The following NFATC2 variants were observed in gnomAD, a reference collection of about 807,000 sequenced individuals.
The protein encoded by NFATC2 is nuclear factor of activated T-cells, cytoplasmic 2.
A neutral mutation model predicts 87.3 loss-of-function variants in NFATC2; 22 were observed. The observed-to-expected ratio is 0.25, with a 90% CI of 0.18 to 0.36. The LOEUF (loss-of-function observed/expected upper bound fraction) is 0.36, where lower values mean the gene tolerates loss of function less well. NFATC2 is among the 10% of genes least tolerant of loss of function. NFATC2 has a pLI of 1.00. For missense variants in NFATC2, 1,149 were observed against 1,259.1 expected, an observed-to-expected ratio of 0.91 and a Z score of 1.32; for synonymous variants, 565 against 542.2, an observed-to-expected ratio of 1.04 and a Z score of -0.58.
intron 10 of NFATC2, among the ~76,000 whole-genome samples, chr20:51,397,402 G>A (rs1230385772): frequency 6.6e-6 from 1 of 152,182 alleles, no homozygotes; most frequent in Admixed American, 6.5e-5. Context: ...TCTGAAGAGT[G>A]ATGGTGGAAC....
intron 4 of NFATC2, among the ~76,000 whole-genome samples, chr20:51,474,968 TTTA>T (rs1198793226): frequency 7.1e-6 from 1 of 140,462 alleles, no homozygotes; most frequent in African/African-American, 2.8e-5. Context: ...TTATACTTTA[TTTA>T]TTTTTTTTTT....
At chr20:51,421,549 A>G (rs112217721) in intron 9 of NFATC2, among the ~76,000 whole-genome samples, 4 of 152,312 alleles carry the variant, frequency 2.6e-5, no homozygotes, top group Middle Eastern at 3.4e-3. Flanking sequence ...CGGAAGACAA[A>G]AGGGAATGGC....
At chr20:51,481,175 G>A (rs1274155704) in intron 3 of NFATC2, among the ~76,000 whole-genome samples, 1 of 152,200 alleles carries the variant, frequency 6.6e-6, no homozygotes, top group Non-Finnish European at 1.5e-5. Context: ...GGTCCCTGGA[G>A]GTTTGATGAG....
chr20:51,419,108 G>A (rs896091095), intron 9 of NFATC2, among the ~76,000 whole-genome samples: 7 of 151,998 alleles, frequency 4.6e-5, no homozygotes, highest in African/African-American at 1.7e-4. Context: ...CACACAGTAG[G>A]GATTCAATAA....
intron 1 of NFATC2, among the ~76,000 whole-genome samples, chr20:51,531,812 T>A (rs1171006458): frequency 6.6e-6 from 1 of 152,194 alleles, no homozygotes; most frequent in Non-Finnish European, 1.5e-5. Context: ...CCTGCTATAG[T>A]TAGTCTATTT....
At chr20:51,443,002 T>C (rs542641411) in intron 6 of NFATC2, among the ~76,000 whole-genome samples, 28 of 152,232 alleles carry the variant, frequency 1.8e-4, no homozygotes, top group East Asian at 5.8e-4. Flanking sequence ...TCTACCCAGC[T>C]TTCCTCCCCT....
At chr20:51,464,040 A>T (rs1260565904) in intron 5 of NFATC2, among the ~76,000 whole-genome samples, 1 of 152,012 alleles carries the variant, frequency 6.6e-6, no homozygotes, top group Non-Finnish European at 1.5e-5. Context: ...TGGGCCAGAT[A>T]ACTATTGGGG....
At chr20:51,445,198 C>G (rs1984898545) in intron 6 of NFATC2, among the ~76,000 whole-genome samples, 1 of 152,100 alleles carries the variant, frequency 6.6e-6, no homozygotes, top group East Asian at 1.9e-4. Context: ...CTGGGCCTGC[C>G]CCCCGCAGCA....
intron 2 of NFATC2, among the ~76,000 whole-genome samples, chr20:51,518,241 A>G (rs1358141028): frequency 6.6e-6 from 1 of 152,170 alleles, no homozygotes; most frequent in Non-Finnish European, 1.5e-5. Flanking sequence ...TTATGTCACC[A>G]TGTCCTGAGT....
chr20:51,515,682 A>AT (rs1159081682), intron 3 of NFATC2, among the ~76,000 whole-genome samples: 1 of 116,252 alleles, frequency 8.6e-6, no homozygotes, highest in African/African-American at 3.0e-5. Context: ...ATGGTGTCTG[A>AT]TTTAAAAAAA....
intron 3 of NFATC2, among the ~76,000 whole-genome samples, chr20:51,477,107 G>C (rs564717595): frequency 1.3e-5 from 2 of 152,140 alleles, no homozygotes; most frequent in South Asian, 4.2e-4. Context: ...AAAACAAACA[G>C]AATAATGAAC....
chr20:51,562,473 G>A lies in NFATC2; in HGVS notation c.70+87C>T, dbSNP rs2077041293. 2 of 1,227,602 alleles carry A rather than the reference G, an allele frequency of 1.6e-6. No individual in the cohort carries two copies. Among genetic ancestry groups the A allele is most frequent in the African/African-American group, 3.0e-5 (2 of 65,950 alleles). The allele number at this position is 1,227,602 out of a possible 1,614,324, so 76.0% of individuals were successfully genotyped here. On this transcript the variant is annotated intron_variant, in intron 1 of 10. Transcript: ENST00000414705. The surrounding 1 kb of genome is among the most constrained non-coding windows in gnomAD (Gnocchi z 5.8). ...CCTCCCGCACCGACCTCTGCCGGGA[G>A]CTGAAAGTGCTGCCCGGGACGGGAG...
intron 5 of NFATC2, among the ~76,000 whole-genome samples, chr20:51,472,460 C>G (rs539161591): frequency 6.6e-6 from 1 of 151,850 alleles, no homozygotes; most frequent in African/African-American, 2.4e-5. Context: ...ATTGTGACAC[C>G]TAGTTATGGT....
intron 6 of NFATC2, among the ~76,000 whole-genome samples, chr20:51,444,597 C>A (rs537724805): frequency 6.6e-6 from 1 of 152,258 alleles, no homozygotes; most frequent in African/African-American, 2.4e-5. Flanking sequence ...TCCATCCTCA[C>A]CCGGGCTGTG....
intron 6 of NFATC2, among the ~76,000 whole-genome samples, chr20:51,454,056 T>A (rs1206664309): frequency 6.6e-6 from 1 of 152,190 alleles, no homozygotes; most frequent in Non-Finnish European, 1.5e-5. Context: ...ACTATTATAA[T>A]TACGTGACAT....
chr20:51,459,584 A>G (rs1179746315), intron 5 of NFATC2, among the ~76,000 whole-genome samples: 1 of 152,142 alleles, frequency 6.6e-6, no homozygotes, highest in African/African-American at 2.4e-5. Context: ...CTCAGCAAAA[A>G]TGATAAAGTT....
intron 2 of NFATC2, among the ~76,000 whole-genome samples, chr20:51,518,718 GA>G (rs1248010145): frequency 1.6e-4 from 24 of 152,280 alleles, no homozygotes; most frequent in African/African-American, 5.8e-4. Context: ...TGACTTTAAA[GA>G]ATATTTAACT....
At chr20:51,541,437 G>A (rs375456475) in intron 1 of NFATC2, among the ~76,000 whole-genome samples, 2 of 152,162 alleles carry the variant, frequency 1.3e-5, no homozygotes, top group Non-Finnish European at 2.9e-5. Context: ...GCGTGTGGCC[G>A]CTTCCCCCTC....
At chr20:51,522,279 C>T (rs2076457891) in intron 2 of NFATC2, among the ~76,000 whole-genome samples, 1 of 13,900 alleles carries the variant, frequency 7.2e-5, no homozygotes, top group Non-Finnish European at 1.4e-4. Context: ...AGTACAAAAG[C>T]GGGGCGGGGG....
Sources: gnomAD v4.1 joint callset for allele counts (sites outside exome capture counted in the v4.1 genomes callset) on GRCh38, gnomAD v4.1.1 for gene constraint, Gnocchi (gnomAD v3.1) non-coding constraint, MANE v1.5 for transcripts, NCBI Gene and HGNC (gene_info 2026-07-23, HGNC 2026-07-21) for gene names.